Variants in GRIA2 observed in about 807,000 individuals in gnomAD.
GRIA2 encodes the protein glutamate receptor 2.
In GRIA2, 14 loss-of-function variants were observed where a neutral mutation model predicts 97.3. That is an observed-to-expected ratio of 0.14 (90% CI 0.10 to 0.23). The LOEUF (loss-of-function observed/expected upper bound fraction) is 0.23. Among genes scored for constraint, GRIA2 ranks in the 10% least tolerant of loss-of-function variants. GRIA2 has a pLI of 1.00. For missense variants in GRIA2, 558 were observed against 1,069.8 expected, an observed-to-expected ratio of 0.52 and a Z score of 6.67; for synonymous variants, 412 against 387.8, an observed-to-expected ratio of 1.06 and a Z score of -0.73.
At chr4:157,252,564 AG>A (rs923822373) in intron 2 of GRIA2, among the ~76,000 whole-genome samples, 22 of 152,226 alleles carry the variant, frequency 1.4e-4, no homozygotes, top group African/African-American at 5.3e-4. Flanking sequence ...GGTAATATTG[AG>A]GAAAATAATA....
intron 2 of GRIA2, among the ~76,000 whole-genome samples, chr4:157,249,102 T>A (rs1730911518): frequency 6.6e-6 from 1 of 152,100 alleles, no homozygotes; most frequent in African/African-American, 2.4e-5. Context: ...CCCAAAGTGC[T>A]GGGATTAAAG....
Position 157,341,324 on chromosome 4 carries a change from C to T in GRIA2, c.1905C>T (p.Ser635=). 1 of 1,612,894 alleles carries T rather than the reference C, an allele frequency of 6.2e-7. No individual in the cohort carries two copies. The highest frequency in any genetic ancestry group is 8.5e-7 in the Non-Finnish European group (1 of 1,179,116). ...GGTTCTTTACCCTGATCATAATCTC[C>T]TCCTACACGGCTAACTTAGCTGCCT... The part of the protein sequence containing the change: ...VWWFFTLIII[S]SYTANLAAFL... The change falls in exon 12 of 16, where the codon TCC becomes TCT. Residue 635 remains serine (S), a synonymous_variant. Coordinates refer to ENST00000264426, the MANE Select transcript of GRIA2 (RefSeq NM_001083619.3).
chr4:157,355,904 T>TATATATATTAATATATTTATATATTA (rs1560781026), intron 12 of GRIA2, among the ~76,000 whole-genome samples: 2 of 13,652 alleles, frequency 1.5e-4, no homozygotes, highest in Non-Finnish European at 2.3e-4. Context: ...TATATATAAA[T>TATATATATTAATATATTTATATATTA]ATATATATAT....
intron 2 of GRIA2, among the ~76,000 whole-genome samples, chr4:157,298,088 C>A (rs183121296): frequency 7.2e-5 from 11 of 151,864 alleles, no homozygotes; most frequent in Admixed American, 2.0e-4. Context: ...TTGACTGATG[C>A]CTTTATGTGA....
At chr4:157,349,989 T>C (rs1323905449) in intron 12 of GRIA2, among the ~76,000 whole-genome samples, 2 of 152,140 alleles carry the variant, frequency 1.3e-5, no homozygotes, top group Admixed American at 6.5e-5. Flanking sequence ...TATCATAACA[T>C]TTATTGAGTT....
In GRIA2 at chr4:157,221,134, G is replaced by A. The variant is rs1388461872; in HGVS notation, c.88+4G>A. On this transcript the variant is annotated splice_donor_region_variant and intron_variant, in intron 1 of 15. Coordinates refer to ENST00000264426, the MANE Select transcript of GRIA2 (RefSeq NM_001083619.3). Reference sequence around the variant, plus strand: ...TCTTCTAACAGCATACAGATAGGTAGGTACCCTTTGTGCTATGCTTTTGAA... The same window carrying A: ...TCTTCTAACAGCATACAGATAGGTAAGTACCCTTTGTGCTATGCTTTTGAA... 2.1e-6 allele frequency: 3 copies of A among 1,399,732 alleles called. No individual in the cohort carries two copies. Among genetic ancestry groups the A allele is most frequent in the Non-Finnish European group, 2.0e-6 (2 of 984,526 alleles). 86.7% of individuals were successfully genotyped at this position (1,399,732 alleles called of 1,614,324 possible).
chr4:157,336,307 A>G (rs1249535950), intron 10 of GRIA2, 70 bp from the exon 11 acceptor site: 7 of 1,223,938 alleles, frequency 5.7e-6, no homozygotes, highest in Non-Finnish European at 6.9e-6. Flanking sequence ...TCTTTGATCC[A>G]GTGACATAAC....
chr4:157,346,099 G>A (rs766279652), intron 12 of GRIA2, among the ~76,000 whole-genome samples: 5 of 151,920 alleles, frequency 3.3e-5, no homozygotes, highest in Non-Finnish European at 7.4e-5. Flanking sequence ...TATTACAAGA[G>A]AATTAAAATA....
rs200150136 is a variant in GRIA2 at position 157,336,463 on chromosome 4, G to A, written c.1560G>A (p.Gly520=). ...IDFSKPFMSL[G]ISIMIKKPQK... ...TCTCAAAGCCCTTCATGAGCCTCGG[G>A]ATATCTATCATGATCAAGAAGCCTC... The change falls in exon 11 of 16, where the codon GGG becomes GGA. Residue 520 remains glycine (G), a synonymous_variant. Coordinates refer to ENST00000264426, the MANE Select transcript of GRIA2 (RefSeq NM_001083619.3). The A allele has an allele frequency of 1.9e-6, 3 of 1,612,954 alleles. No individual in the cohort carries two copies. The highest frequency in any genetic ancestry group is 1.7e-6 in the Non-Finnish European group (2 of 1,179,286).
chr4:157,233,578 G>C (rs778004017), intron 2 of GRIA2, among the ~76,000 whole-genome samples: 1 of 151,976 alleles, frequency 6.6e-6, no homozygotes, highest in African/African-American at 2.4e-5. Flanking sequence ...GTAGAATAAG[G>C]CTCAGTTTCC....
Position 157,248,689 on chromosome 4 carries a change from G to A in GRIA2, c.229+26882G>A, listed in dbSNP as rs1021139608. On this transcript the variant is annotated intron_variant, in intron 2 of 15. Transcript: ENST00000264426. Reference sequence around the variant, plus strand: ...TTTATGCACGTGTCTATATACACGTGTATATATACACAAGTATATATATAC... The same window carrying A: ...TTTATGCACGTGTCTATATACACGTATATATATACACAAGTATATATATAC... 2.7e-4 allele frequency among the ~76,000 whole-genome samples: 32 copies of A among 119,526 alleles called. No individual in the cohort carries two copies. The East Asian group carries it at 6.6e-3, about 25-fold the overall frequency. 78.4% of individuals were successfully genotyped at this position (119,526 alleles called of 152,430 possible).
Position 157,326,459 on chromosome 4 carries a change from C to A in GRIA2, c.882+4860C>A, listed in dbSNP as rs375732066. 5.3e-5 allele frequency among the ~76,000 whole-genome samples: 8 copies of A among 152,194 alleles called. 1 individual carries two copies. Among genetic ancestry groups the A allele is most frequent in the Admixed American group, 2.0e-4 (3 of 15,290 alleles). ...ATAACTCAGGCTCCTAGAATAAATC[C>A]TCATACATAGTAACCATCTAATAGA... On this transcript the variant is annotated intron_variant, in intron 6 of 15. Transcript: ENST00000264426.
At position 157,335,871 on chromosome 4, in the gene GRIA2, A is replaced by T; in HGVS notation, c.1467A>T (p.Val489=). Residue 489 remains valine (V), a synonymous_variant, in exon 10 of 16, where the codon GTA becomes GTT. Transcript: ENST00000264426. ...KIWNGMVGEL[V]YGKADIAIAP... is the part of the protein sequence containing the mutation. ...GGAATGGGATGGTTGGAGAACTTGTATATGGGGTAAGTATAGCTCTTCTCA... is the reference window on the plus strand; with the variant it reads ...GGAATGGGATGGTTGGAGAACTTGTTTATGGGGTAAGTATAGCTCTTCTCA... The T allele has an allele frequency of 6.3e-7, 1 of 1,590,226 alleles. No homozygotes were observed. Among genetic ancestry groups the T allele is most frequent in the Non-Finnish European group, 8.6e-7 (1 of 1,159,920 alleles).
At chr4:157,272,558 A>G (rs1732081874) in intron 2 of GRIA2, among the ~76,000 whole-genome samples, 1 of 152,190 alleles carries the variant, frequency 6.6e-6, no homozygotes, top group South Asian at 2.1e-4. Flanking sequence ...CACTCCCTTC[A>G]TCACTTTAAT....
intron 6 of GRIA2, among the ~76,000 whole-genome samples, chr4:157,326,328 A>C (rs1439506361): frequency 1.3e-5 from 2 of 152,220 alleles, no homozygotes; most frequent in East Asian, 3.9e-4. Flanking sequence ...CAGCTTTCCC[A>C]ATTCTTACCT....
chr4:157,303,891 C>A, intron 3 of GRIA2, 100 bp downstream of exon 3: 1 of 1,226,722 alleles, frequency 8.2e-7, no homozygotes, highest in Non-Finnish European at 1.2e-6. Context: ...TGATAAAGCC[C>A]AAGGATCCCT....
chr4:157,344,617 T>TTAGATAAAGTA, intron 12 of GRIA2, among the ~76,000 whole-genome samples: 1 of 152,266 alleles, frequency 6.6e-6, no homozygotes, highest in African/African-American at 2.4e-5. Flanking sequence ...AACATTTATC[T>TTAGATAAAGTA]TCATGTTTTG....
chr4:157,318,628 A>G (rs1439961762), intron 5 of GRIA2, among the ~76,000 whole-genome samples: 1 of 152,172 alleles, frequency 6.6e-6, no homozygotes, highest in Non-Finnish European at 1.5e-5. Context: ...ATCAGAGTCA[A>G]TTTAGAATTA....
At chr4:157,359,871 A>C (rs773263356) in intron 12 of GRIA2, 25 bp from the exon 13 acceptor site, 1 of 1,609,682 alleles carries the variant, frequency 6.2e-7, no homozygotes, top group Admixed American at 1.7e-5. Context: ...TCTTAATGCT[A>C]TCTGGCCCCT....
Sources: allele counts gnomAD v4.1 joint callset (sites outside exome capture counted in the v4.1 genomes callset), GRCh38; gene constraint gnomAD v4.1.1; transcripts MANE v1.5; gene names NCBI Gene and HGNC (gene_info 2026-07-23, HGNC 2026-07-21).